Variants in RNF13 observed in about 807,000 individuals in gnomAD.
RNF13 encodes the protein ring finger protein 13.
A neutral mutation model predicts 37.7 loss-of-function variants in RNF13; 19 were observed. The observed-to-expected ratio is 0.50, with a 90% confidence interval of 0.35 to 0.74. The LOEUF (loss-of-function observed/expected upper bound fraction) is 0.74. Among genes scored for constraint, RNF13 ranks in the 30% least tolerant of loss-of-function variants. RNF13 has a pLI of 0.01. For missense variants in RNF13, 375 were observed against 453.0 expected (o/e 0.83, Z 1.56); for synonymous variants, 144 against 157.8 (o/e 0.91, Z 0.65).
intron 3 of RNF13, among the ~76,000 whole-genome samples, chr3:149,865,660 T>C (rs1392943155): frequency 6.6e-6 from 1 of 152,124 alleles, no homozygotes; most frequent in Non-Finnish European, 1.5e-5. Context: ...TTTTTGTAAT[T>C]TTGTATTTTT....
Position 149,961,641 on chromosome 3 carries a change from C to G in RNF13, c.*537C>G, listed in dbSNP as rs1172882330. 3.6e-6 allele frequency: 1 copy of G among 274,770 alleles called. No individual in the cohort carries two copies. The highest frequency in any genetic ancestry group is 7.1e-6 in the Non-Finnish European group (1 of 140,254). The allele number at this position is 274,770 out of a possible 1,614,324, so 17.0% of individuals were successfully genotyped here. A position where few individuals can be genotyped will look rare whatever the true frequency, so the allele number is the denominator to read the frequency against. ...TTTTCCCTTTCTGTTCCAAAGCAGT[C>G]TTATCCTGACAGGAGCGGTCTATAC... On this transcript the variant is annotated 3_prime_UTR_variant, in exon 10 of 10. Coordinates refer to ENST00000392894, the MANE Select transcript of RNF13 (RefSeq NM_183381.3).
intron 8 of RNF13, among the ~76,000 whole-genome samples, chr3:149,951,822 G>A (rs574504846): frequency 1.3e-5 from 2 of 152,182 alleles, no homozygotes; most frequent in Non-Finnish European, 2.9e-5. Context: ...CTACTTTATG[G>A]ATAAGGAATA....
chr3:149,927,418 G>C lies in RNF13; in HGVS notation c.700+6191G>C, dbSNP rs182692129. On this transcript the variant is annotated intron_variant, in intron 8 of 9. Transcript: ENST00000392894. ...GGATACGAGTTGGTTACACCTTTTG[G>C]CTATTGTAAATAATACTGCAATGAA... Among the ~76,000 whole-genome samples the C allele has an allele frequency of 2.0e-5, 3 of 152,192 alleles. No homozygotes were observed. The East Asian group carries it at 5.8e-4, about 29-fold the overall frequency.
chr3:149,838,417 C>T (rs948983501), intron 1 of RNF13, among the ~76,000 whole-genome samples: 1 of 152,254 alleles, frequency 6.6e-6, no homozygotes, highest in African/African-American at 2.4e-5. Context: ...TCTGCCCCTG[C>T]AGCAAACTTT....
chr3:149,956,716 AC>A (rs1197658719), intron 8 of RNF13, among the ~76,000 whole-genome samples: 1 of 152,230 alleles, frequency 6.6e-6, no homozygotes, highest in Non-Finnish European at 1.5e-5. Flanking sequence ...GTTTCATATA[AC>A]AGACATGAAT....
At chr3:149,954,469 T>C (rs1467024728) in intron 8 of RNF13, among the ~76,000 whole-genome samples, 6 of 152,190 alleles carry the variant, frequency 3.9e-5, no homozygotes, top group Non-Finnish European at 7.3e-5. Flanking sequence ...ATCATAGTAA[T>C]CAGCTGCTTC....
At chr3:149,845,044 T>C (rs2108372866) in intron 1 of RNF13, among the ~76,000 whole-genome samples, 1 of 152,314 alleles carries the variant, frequency 6.6e-6, no homozygotes, top group Non-Finnish European at 1.5e-5. Context: ...TAGCATGTTT[T>C]CATTTTTATT....
At chr3:149,911,595 G>A (rs1364780157) in intron 6 of RNF13, among the ~76,000 whole-genome samples, 3 of 151,972 alleles carry the variant, frequency 2.0e-5, no homozygotes, top group Non-Finnish European at 4.4e-5. Context: ...GGAGGTGGAG[G>A]TTGCAGTGAG....
At chr3:149,925,174 C>A (rs750329087) in intron 8 of RNF13, among the ~76,000 whole-genome samples, 1 of 152,122 alleles carries the variant, frequency 6.6e-6, no homozygotes, top group Non-Finnish European at 1.5e-5. Context: ...GGTTGCTTGG[C>A]AGCCTGAACC....
chr3:149,870,180 C>T (rs1202842835), intron 3 of RNF13, among the ~76,000 whole-genome samples: 1 of 151,686 alleles, frequency 6.6e-6, no homozygotes, highest in African/African-American at 2.4e-5. Flanking sequence ...AAGGAAGGGA[C>T]AAATCTCCTC....
intron 6 of RNF13, 75 bp downstream of exon 6, chr3:149,902,237 A>G: frequency 1.5e-6 from 1 of 680,218 alleles, no homozygotes; most frequent in Non-Finnish European, 2.5e-6. Context: ...TAATATTGTA[A>G]TCAAGATTAT....
intron 3 of RNF13, among the ~76,000 whole-genome samples, chr3:149,858,599 A>T (rs574747314): frequency 2.0e-5 from 3 of 152,330 alleles, no homozygotes; most frequent in African/African-American, 7.2e-5. Flanking sequence ...ATTTGCCATG[A>T]TCCATATATA....
chr3:149,857,630 G>A (rs1723779268), intron 3 of RNF13, among the ~76,000 whole-genome samples: 2 of 152,138 alleles, frequency 1.3e-5, no homozygotes, highest in South Asian at 4.1e-4. Flanking sequence ...TGGAAAACAT[G>A]TTTTGTCTTT....
chr3:149,909,411 G>A (rs1716752875), intron 6 of RNF13, among the ~76,000 whole-genome samples: 1 of 151,078 alleles, frequency 6.6e-6, no homozygotes, highest in Non-Finnish European at 1.5e-5. Flanking sequence ...GGGAAGCTGG[G>A]ACTACAGGTG....
intron 4 of RNF13, among the ~76,000 whole-genome samples, chr3:149,890,871 G>A (rs1714625795): frequency 6.6e-6 from 1 of 152,074 alleles, no homozygotes; most frequent in Admixed American, 6.5e-5. Context: ...TCTGTCATAG[G>A]TATTTCATCC....
chr3:149,836,438 A>G (rs1175503620), intron 1 of RNF13, among the ~76,000 whole-genome samples: 1 of 152,138 alleles, frequency 6.6e-6, no homozygotes. Context: ...ATATGTATAT[A>G]TATATATTGT....
intron 8 of RNF13, among the ~76,000 whole-genome samples, chr3:149,956,831 G>A (rs544027986): frequency 5.3e-5 from 8 of 152,254 alleles, no homozygotes; most frequent in East Asian, 1.9e-4. Flanking sequence ...CAGCACTACT[G>A]ACATTTAGAT....
intron 8 of RNF13, among the ~76,000 whole-genome samples, chr3:149,931,377 T>G (rs1719145936): frequency 6.6e-6 from 1 of 152,210 alleles, no homozygotes; most frequent in African/African-American, 2.4e-5. Context: ...TTTCTGCTTT[T>G]ACTTGCATTG....
chr3:149,954,865 T>A (rs1721708373), intron 8 of RNF13, among the ~76,000 whole-genome samples: 1 of 152,210 alleles, frequency 6.6e-6, no homozygotes, highest in Non-Finnish European at 1.5e-5. Flanking sequence ...AAATTGCTCT[T>A]CAAGCAAAAT....
Sources: gnomAD v4.1 joint callset for allele counts (sites outside exome capture counted in the v4.1 genomes callset) on GRCh38, gnomAD v4.1.1 for gene constraint, MANE v1.5 for transcripts, NCBI Gene and HGNC (gene_info 2026-07-23, HGNC 2026-07-21) for gene names.